Variants in SLC20A2 observed in about 807,000 individuals in gnomAD.
SLC20A2 encodes the protein solute carrier family 20 member 2.
SLC20A2 carries 30 observed loss-of-function variants against 61.0 expected under a neutral mutation model. The observed-to-expected ratio is 0.49, with a 90% CI of 0.37 to 0.67. The LOEUF (loss-of-function observed/expected upper bound fraction) is 0.67, where lower values mean the gene tolerates loss of function less well. Among genes scored for constraint, SLC20A2 ranks in the 30% least tolerant of loss-of-function variants. SLC20A2 has a pLI of 0.00. For synonymous variants in SLC20A2, 351 were observed against 353.3 expected (o/e 0.99, Z 0.07); for missense variants, 626 against 866.4 (o/e 0.72, Z 3.48).
At position 42,514,756 on chromosome 8, in the gene SLC20A2, T is replaced by TGAAAAAAAAAAA. The variant is rs540676397; in HGVS notation, c.-265+27053_-265+27064dup. Among the ~76,000 whole-genome samples, 12 of 145,850 alleles carry TGAAAAAAAAAAA rather than the reference T, an allele frequency of 8.2e-5. No individual in the cohort carries two copies. In the South Asian group the frequency reaches 1.3e-3, roughly 16 times the overall value. On this transcript the variant is annotated intron_variant, in intron 1 of 10. Transcript: ENST00000342228. ...CTGGGCAATGGAGTAATACTCTGTT[T>TGAAAAAAAAAAA]GAAAAAAAAAAAGAAAAAAAAAAAG...
intron 1 of SLC20A2, among the ~76,000 whole-genome samples, chr8:42,524,152 A>G (rs964078563): frequency 3.3e-5 from 5 of 152,230 alleles, no homozygotes; most frequent in African/African-American, 1.2e-4. Context: ...TATTTTCACT[A>G]AAGCCACATT....
At chr8:42,466,995 C>T (rs922566489) in intron 2 of SLC20A2, among the ~76,000 whole-genome samples, 7 of 152,028 alleles carry the variant, frequency 4.6e-5, no homozygotes, top group Admixed American at 2.0e-4. Context: ...TTTGCAGAGA[C>T]GGGGGTCTTG....
intron 5 of SLC20A2, among the ~76,000 whole-genome samples, chr8:42,457,580 A>G (rs28498039): frequency 0.045 from 6,847 of 151,912 alleles, 499 homozygotes; most frequent in African/African-American, 0.16. Flanking sequence ...TCCTGGGTTC[A>G]GGTTCAAGCA....
intron 9 of SLC20A2, among the ~76,000 whole-genome samples, chr8:42,429,416 A>G (rs536545518): frequency 6.6e-6 from 1 of 152,146 alleles, no homozygotes; most frequent in East Asian, 1.9e-4. Context: ...CTGCCTTTGG[A>G]TCACTTCCTG....
At chr8:42,503,598 G>C (rs751125443), upstream of SLC20A2, among the ~76,000 whole-genome samples, 2 of 152,136 alleles carry the variant, frequency 1.3e-5, no homozygotes, top group African/African-American at 2.4e-5. Context: ...ATTTTAATGT[G>C]TAATAATCAT....
intron 1 of SLC20A2, among the ~76,000 whole-genome samples, chr8:42,511,423 T>C (rs1426076425): frequency 6.6e-6 from 1 of 151,952 alleles, no homozygotes; most frequent in Non-Finnish European, 1.5e-5. Context: ...GGTCAGAAGT[T>C]CAACACCAGC....
chr8:42,433,083 T>C (rs1803985194), intron 8 of SLC20A2, among the ~76,000 whole-genome samples: 1 of 152,198 alleles, frequency 6.6e-6, no homozygotes, highest in South Asian at 2.1e-4. Flanking sequence ...TTAATTTTGG[T>C]AAAAAGCATA....
At chr8:42,537,110 C>A (rs987609710) in intron 1 of SLC20A2, among the ~76,000 whole-genome samples, 1 of 150,414 alleles carries the variant, frequency 6.6e-6, no homozygotes, top group Non-Finnish European at 1.5e-5. Context: ...AGGCCAGGCA[C>A]AATGGCTCAC....
chr8:42,460,792 C>T (rs1001419959), intron 4 of SLC20A2, among the ~76,000 whole-genome samples: 1 of 152,098 alleles, frequency 6.6e-6, no homozygotes, highest in Admixed American at 6.5e-5. Flanking sequence ...AGTAAAAATA[C>T]GGGCCAGAAA....
upstream of SLC20A2, among the ~76,000 whole-genome samples, chr8:42,503,632 C>G (rs75600019): frequency 7.2e-5 from 11 of 152,242 alleles, no homozygotes; most frequent in Non-Finnish European, 1.6e-4. Flanking sequence ...GAGATATCTT[C>G]ATTCTTTTGT....
At chr8:42,435,569 G>A (rs929563544) in intron 8 of SLC20A2, among the ~76,000 whole-genome samples, 2 of 152,112 alleles carry the variant, frequency 1.3e-5, no homozygotes, top group African/African-American at 4.8e-5. Flanking sequence ...CAAACTTGGG[G>A]CTCTCAGGCC....
At chr8:42,448,109 G>A (rs534212031) in intron 5 of SLC20A2, among the ~76,000 whole-genome samples, 7 of 152,338 alleles carry the variant, frequency 4.6e-5, no homozygotes, top group South Asian at 2.1e-4. Context: ...AATGGTACCC[G>A]CTCTTTACCA....
At chr8:42,444,114 G>A (rs1031993836) in intron 6 of SLC20A2, among the ~76,000 whole-genome samples, 5 of 152,150 alleles carry the variant, frequency 3.3e-5, no homozygotes, top group African/African-American at 7.2e-5. Context: ...TTATGAACAC[G>A]TTTTCATTTC....
At chr8:42,504,914 C>T (rs544892284), upstream of SLC20A2, among the ~76,000 whole-genome samples, 1 of 126,802 alleles carries the variant, frequency 7.9e-6, no homozygotes, top group East Asian at 2.4e-4. Context: ...ATGCCAGGTA[C>T]TGGGGACAGA....
At chr8:42,491,585 C>T (rs796528142) in intron 1 of SLC20A2, among the ~76,000 whole-genome samples, 2 of 151,712 alleles carry the variant, frequency 1.3e-5, no homozygotes, top group African/African-American at 2.4e-5. Flanking sequence ...GCAAGAGAAT[C>T]GCTTGAACGT....
chr8:42,520,503 G>T, intron 1 of SLC20A2, among the ~76,000 whole-genome samples: 1 of 63,678 alleles, frequency 1.6e-5, no homozygotes, highest in African/African-American at 3.3e-5. Context: ...GAGGTGGGCG[G>T]ATCATGGGGT....
At chr8:42,458,416 A>C (rs908177823) in intron 5 of SLC20A2, among the ~76,000 whole-genome samples, 1 of 150,968 alleles carries the variant, frequency 6.6e-6, no homozygotes, top group Non-Finnish European at 1.5e-5. Context: ...ACTTGAGGCC[A>C]GGAGTTTGAT....
intron 1 of SLC20A2, among the ~76,000 whole-genome samples, chr8:42,481,670 C>T (rs1808562392): frequency 6.6e-6 from 1 of 152,208 alleles, no homozygotes; most frequent in African/African-American, 2.4e-5. Flanking sequence ...GCCGTTTAGC[C>T]TGGAGCTGTG....
chr8:42,508,038 C>T (rs1810815046), intron 1 of SLC20A2, among the ~76,000 whole-genome samples: 2 of 152,072 alleles, frequency 1.3e-5, no homozygotes, highest in South Asian at 2.1e-4. Context: ...TGGTACATGC[C>T]TGTAGTCCCA....
Sources: gnomAD v4.1 joint callset for allele counts (sites outside exome capture counted in the v4.1 genomes callset) on GRCh38, gnomAD v4.1.1 for gene constraint, MANE v1.5 for transcripts, NCBI Gene and HGNC (gene_info 2026-07-23, HGNC 2026-07-21) for gene names.